CEP70: variants seen among roughly 807,000 people sequenced by gnomAD.
CEP70 encodes centrosomal protein of 70 kDa.
CEP70 carries 70 observed loss-of-function variants against 90.9 expected under a neutral mutation model. That is an observed-to-expected ratio of 0.77 (90% CI 0.64 to 0.94). The LOEUF (loss-of-function observed/expected upper bound fraction) is 0.94. Among genes scored for constraint, CEP70 ranks in the 40% least tolerant of loss-of-function variants. The pLI is 0.00. For synonymous variants in CEP70, 220 were observed against 228.3 expected, an observed-to-expected ratio of 0.96 and a Z score of 0.33; for missense variants, 648 against 669.0, an observed-to-expected ratio of 0.97 and a Z score of 0.35.
At chr3:138,567,937 G>C (rs1290575574) in intron 6 of CEP70, among the ~76,000 whole-genome samples, 1 of 152,096 alleles carries the variant, frequency 6.6e-6, no homozygotes, top group Non-Finnish European at 1.5e-5. Flanking sequence ...TGAGATGTTT[G>C]ACTAGTATGT....
At chr3:138,570,578 T>C (rs1576886507) in intron 5 of CEP70, 80 bp from the exon 6 acceptor site, 7 of 1,090,366 alleles carry the variant, frequency 6.4e-6, no homozygotes, top group South Asian at 1.5e-5. Flanking sequence ...TAAGAATGTA[T>C]TGCCTTTCTA....
chr3:138,533,590 C>T lies in CEP70; in HGVS notation c.636-1020G>A, dbSNP rs73864592. Among the ~76,000 whole-genome samples, 907 of 152,096 alleles carry T rather than the reference C, an allele frequency of 6.0e-3. 12 individuals are homozygous for T. The highest frequency in any genetic ancestry group is 0.02 in the African/African-American group (848 of 41,492). ...ATGCTAAAAATTCATCGGTGAACAACACAACAATACACAAAGAAGAACTGT... is the reference window on the plus strand; with the variant it reads ...ATGCTAAAAATTCATCGGTGAACAATACAACAATACACAAAGAAGAACTGT... On this transcript the variant is annotated intron_variant, in intron 7 of 17. Coordinates refer to ENST00000264982, the MANE Select transcript of CEP70 (RefSeq NM_024491.4).
At chr3:138,527,017 AAG>A (rs2037320664) in intron 10 of CEP70, among the ~76,000 whole-genome samples, 1 of 152,216 alleles carries the variant, frequency 6.6e-6, no homozygotes, top group Admixed American at 6.5e-5. Flanking sequence ...TAGACAAAAA[AAG>A]AGTAAATATT....
chr3:138,583,276 A>G (rs992005745), intron 2 of CEP70, among the ~76,000 whole-genome samples: 1 of 152,202 alleles, frequency 6.6e-6, no homozygotes, highest in African/African-American at 2.4e-5. Context: ...AATTGTAAAT[A>G]TTATACACCC....
chr3:138,532,231 CA>C (rs1420310423), intron 8 of CEP70, among the ~76,000 whole-genome samples: 6 of 152,036 alleles, frequency 3.9e-5, no homozygotes, highest in Admixed American at 3.9e-4. Context: ...TAGATCATAT[CA>C]GTAGAAAAAA....
At chr3:138,530,695 T>C in intron 8 of CEP70, 4 of 985,426 alleles carry the variant, frequency 4.1e-6, no homozygotes, top group Non-Finnish European at 4.8e-6. Flanking sequence ...CTCCAAATCT[T>C]GGCCTGGCTT....
At chr3:138,570,897 T>A in intron 5 of CEP70, 137 bp downstream of exon 5, 1 of 676,516 alleles carries the variant, frequency 1.5e-6, no homozygotes, top group Non-Finnish European at 2.3e-6. Context: ...ATTTACCTAT[T>A]AAAATTTTAC....
In CEP70 at chr3:138,495,059, C is replaced by T. The variant is rs1362783213; in HGVS notation, c.1750G>A (p.Ala584Thr). The change falls in exon 18 of 18, where the codon GCC (alanine) becomes ACC (threonine). Residue 584 changes from alanine to threonine, a missense_variant. Ala to Thr is a moderately conservative substitution (Grantham distance 58). Coordinates refer to ENST00000264982, the MANE Select transcript of CEP70 (RefSeq NM_024491.4). The stretch of plus-strand genomic sequence containing the variant: ...AATTTCTTTACTGCAGGTACAATGG[C>T]ATCCAAGTCATCAATTTCTGTAATA... ...LEILEIDDLDAIVPAVKKLKV... is the reference protein window; with the variant it reads ...LEILEIDDLDTIVPAVKKLKV... 2 of 1,553,130 alleles carry T rather than the reference C, an allele frequency of 1.3e-6. No homozygotes were observed. Among genetic ancestry groups the T allele is most frequent in the Non-Finnish European group, 1.8e-6 (2 of 1,127,462 alleles).
chr3:138,530,973 T>A (rs1432894119), intron 8 of CEP70: 1 of 303,492 alleles, frequency 3.3e-6, no homozygotes, highest in Non-Finnish European at 4.8e-6. Context: ...TGCTGCAAAT[T>A]TTCTCATTTG....
intron 12 of CEP70, among the ~76,000 whole-genome samples, chr3:138,507,995 TAA>T (rs2035148431): frequency 6.6e-6 from 1 of 152,154 alleles, no homozygotes; most frequent in Non-Finnish European, 1.5e-5. Flanking sequence ...AAATGATCTA[TAA>T]AACTAGGAAG....
At chr3:138,573,935 G>A (rs2041347435) in intron 2 of CEP70, among the ~76,000 whole-genome samples, 1 of 152,126 alleles carries the variant, frequency 6.6e-6, no homozygotes, top group Non-Finnish European at 1.5e-5. Context: ...GGAAAAACAA[G>A]ACTATAATGA....
intron 11 of CEP70, among the ~76,000 whole-genome samples, chr3:138,519,911 C>T (rs1431209425): frequency 3.3e-5 from 5 of 152,104 alleles, no homozygotes; most frequent in African/African-American, 4.8e-5. Flanking sequence ...AGTCAAGACC[C>T]ATCAGTGTGC....
chr3:138,498,567 C>T (rs2034171034), intron 16 of CEP70, among the ~76,000 whole-genome samples: 1 of 151,708 alleles, frequency 6.6e-6, no homozygotes, highest in Non-Finnish European at 1.5e-5. Flanking sequence ...ATCTCCTGAC[C>T]TCGTGATCCG....
intron 7 of CEP70, among the ~76,000 whole-genome samples, chr3:138,533,207 G>A (rs1280394408): frequency 6.6e-6 from 1 of 151,862 alleles, no homozygotes; most frequent in Non-Finnish European, 1.5e-5. Flanking sequence ...CTTGAACCCG[G>A]GAGGCGGAGC....
At chr3:138,576,524 T>C (rs572080042) in intron 2 of CEP70, among the ~76,000 whole-genome samples, 1 of 152,184 alleles carries the variant, frequency 6.6e-6, no homozygotes, top group South Asian at 2.1e-4. Flanking sequence ...CACCCTACTG[T>C]CAATATGAGA....
rs2033865678 is a variant in CEP70, at chr3:138,494,974, T to TAAGAATAC, written c.*33_*40dup. The stretch of plus-strand genomic sequence containing the variant: ...ATCAATCCTACAAAATACAAAATGT[T>TAAGAATAC]AAGAATACAATTTACACAGTAAAAA... On this transcript the variant is annotated 3_prime_UTR_variant, in exon 18 of 18. Transcript: ENST00000264982. The TAAGAATAC allele has an allele frequency of 3.7e-6, 4 of 1,084,136 alleles. No individual in the cohort carries two copies. In the South Asian group the frequency reaches 5.4e-5, roughly 15 times the overall value. The allele number at this position is 1,084,136 out of a possible 1,614,324, so 67.2% of individuals were successfully genotyped here.
intron 6 of CEP70, among the ~76,000 whole-genome samples, chr3:138,551,106 G>C (rs918120858): frequency 6.6e-6 from 1 of 152,166 alleles, no homozygotes; most frequent in Non-Finnish European, 1.5e-5. Flanking sequence ...AGAATCTTAA[G>C]AGCTGTGAGG....
chr3:138,550,216 C>T (rs2039516068), intron 6 of CEP70, among the ~76,000 whole-genome samples: 1 of 152,086 alleles, frequency 6.6e-6, no homozygotes, highest in African/African-American at 2.4e-5. Flanking sequence ...GAAGAAATCC[C>T]TGATTTACCT....
At chr3:138,561,210 T>C (rs1431306059) in intron 6 of CEP70, among the ~76,000 whole-genome samples, 1 of 152,074 alleles carries the variant, frequency 6.6e-6, no homozygotes, top group Non-Finnish European at 1.5e-5. Context: ...CAGCAATCTT[T>C]GCTGTTCTGC....
Sources: gnomAD v4.1 joint callset for allele counts (sites outside exome capture counted in the v4.1 genomes callset) on GRCh38, gnomAD v4.1.1 for gene constraint, MANE v1.5 for transcripts, NCBI Gene and HGNC (gene_info 2026-07-23, HGNC 2026-07-21) for gene names.